The following MYOM1 variants were observed in gnomAD, a reference collection of about 807,000 sequenced individuals.
MYOM1 encodes the protein myomesin 1.
MYOM1 carries 164 observed loss-of-function variants against 205.3 expected under a neutral mutation model. The ratio of observed to expected loss-of-function variants is 0.80; its 90% confidence interval spans 0.70 to 0.91. MYOM1 has a LOEUF of 0.91. MYOM1 is among the 40% of genes least tolerant of loss of function. MYOM1 has a pLI of 0.00. For missense variants in MYOM1, 2,011 were observed against 2,127.3 expected (o/e 0.95, Z 1.08); for synonymous variants, 772 against 789.4 (o/e 0.98, Z 0.37).
intron 2 of MYOM1, among the ~76,000 whole-genome samples, chr18:3,200,571 G>A (rs943679536): frequency 4.6e-5 from 7 of 152,104 alleles, no homozygotes; most frequent in Non-Finnish European, 1.0e-4. Context: ...AGGACACTCT[G>A]GAGTTAAAAA....
chr18:3,086,005 A>C, intron 30 of MYOM1, 33 bp downstream of exon 30: 1 of 1,346,356 alleles, frequency 7.4e-7, no homozygotes, highest in Non-Finnish European at 1.1e-6. Flanking sequence ...GTAGAGAGCT[A>C]ATATATTACA....
the MYOM1 span, chr18:3,236,445 T>C: frequency 2.0e-5 from 3 of 152,192 alleles, no homozygotes; most frequent in Non-Finnish European, 4.4e-5. Flanking sequence ...TTTTAGGCCA[T>C]GGAGATACAT....
chr18:3,235,422 C>T, the MYOM1 span, among the ~76,000 whole-genome samples: 5 of 152,168 alleles, frequency 3.3e-5, no homozygotes, highest in Non-Finnish European at 7.3e-5. Flanking sequence ...TTAAATAATA[C>T]GATTCTGAAC....
intron 22 of MYOM1, among the ~76,000 whole-genome samples, chr18:3,104,185 T>TTAAAATTTAA (rs2079420126): frequency 6.6e-6 from 1 of 152,208 alleles, no homozygotes; most frequent in Non-Finnish European, 1.5e-5. Context: ...AATGCTTTTA[T>TTAAAATTTAA]TAAAACTTAA....
chr18:3,213,953 C>A (rs974255969), intron 2 of MYOM1, among the ~76,000 whole-genome samples: 4 of 152,320 alleles, frequency 2.6e-5, no homozygotes, highest in African/African-American at 9.6e-5. Context: ...CTAAGCTCCA[C>A]TCTTCCTAGA....
intron 9 of MYOM1, among the ~76,000 whole-genome samples, chr18:3,168,468 T>C (rs1005084962): frequency 2.0e-5 from 3 of 152,174 alleles, no homozygotes; most frequent in African/African-American, 7.2e-5. Context: ...TTCGTATTTT[T>C]AGTAGAGACA....
chr18:3,125,052 G>C (rs1407953480), intron 19 of MYOM1, among the ~76,000 whole-genome samples: 1 of 152,210 alleles, frequency 6.6e-6, no homozygotes, highest in Non-Finnish European at 1.5e-5. Context: ...GTGTACATAG[G>C]AAAGGATGTT....
chr18:3,205,914 G>A (rs1483314810), intron 2 of MYOM1, among the ~76,000 whole-genome samples: 1 of 152,188 alleles, frequency 6.6e-6, no homozygotes, highest in Non-Finnish European at 1.5e-5. Context: ...TGGCACTGGG[G>A]TAGGAGTAGG....
chr18:3,233,948 A>G, the MYOM1 span, among the ~76,000 whole-genome samples: 1 of 152,258 alleles, frequency 6.6e-6, no homozygotes, highest in Non-Finnish European at 1.5e-5. Flanking sequence ...TCACAGATCA[A>G]TATAGCACAG....
chr18:3,203,968 A>C (rs2081099743), intron 2 of MYOM1, among the ~76,000 whole-genome samples: 1 of 152,050 alleles, frequency 6.6e-6, no homozygotes, highest in Non-Finnish European at 1.5e-5. Flanking sequence ...AAAATCAGTC[A>C]GTGTAATATA....
intron 17 of MYOM1, among the ~76,000 whole-genome samples, chr18:3,130,618 A>AT (rs1205971001): frequency 3.4e-4 from 52 of 151,744 alleles, no homozygotes; most frequent in Non-Finnish European, 1.5e-5. Context: ...TGCCTGGCTA[A>AT]TTTTTTTTAT....
rs1272685964 is a variant in MYOM1, at chr18:3,135,004, A to G, written c.2210-180T>C. On this transcript the variant is annotated intron_variant, in intron 15 of 37. Transcript: ENST00000356443. The surrounding 1 kb of genome is among the most constrained non-coding windows in gnomAD (Gnocchi z 4.1). ...CGCTCTGTCACCCAGGCTGGAGAGC[A>G]GTGGCGGGATCTCGGCTCACTGCAG... is the stretch of plus-strand genomic sequence containing the variant. 8.4e-6 allele frequency: 5 copies of G among 593,866 alleles called. No homozygotes were observed. The highest frequency in any genetic ancestry group is 2.9e-5 in the Admixed American group (1 of 34,218). 36.8% of individuals were successfully genotyped at this position (593,866 alleles called of 1,614,324 possible).
chr18:3,078,619 A>G (rs1461850257), intron 34 of MYOM1, among the ~76,000 whole-genome samples: 2 of 152,036 alleles, frequency 1.3e-5, no homozygotes, highest in East Asian at 1.9e-4. Context: ...TTATATTTGA[A>G]GAGCTGGGGC....
chr18:3,210,483 GCTCT>G (rs1446165979), intron 2 of MYOM1, among the ~76,000 whole-genome samples: 1 of 152,138 alleles, frequency 6.6e-6, no homozygotes, highest in East Asian at 1.9e-4. Flanking sequence ...TCCCCAAACT[GCTCT>G]CTTAGAGTCC....
chr18:3,178,658 C>A (rs1008648804), intron 5 of MYOM1, among the ~76,000 whole-genome samples: 2 of 152,224 alleles, frequency 1.3e-5, no homozygotes, highest in African/African-American at 2.4e-5. Context: ...TATAACAGAA[C>A]CCGAACTCAT....
At chr18:3,231,374 G>A in the MYOM1 span, among the ~76,000 whole-genome samples, 30 of 152,128 alleles carry the variant, frequency 2.0e-4, no homozygotes, top group Non-Finnish European at 1.5e-5. Flanking sequence ...ATGGGTGGCA[G>A]GGAGCAAACA....
intron 29 of MYOM1, among the ~76,000 whole-genome samples, chr18:3,088,113 C>T (rs2079176789): frequency 6.6e-6 from 1 of 152,142 alleles, no homozygotes; most frequent in Non-Finnish European, 1.5e-5. Flanking sequence ...TCCAGACTGC[C>T]CTTGGTTGCT....
chr18:3,111,678 T>A (rs1262221919), intron 22 of MYOM1, among the ~76,000 whole-genome samples: 6 of 152,180 alleles, frequency 3.9e-5, no homozygotes, highest in Admixed American at 6.5e-5. Context: ...CGCATCACAT[T>A]ATATAATACA....
At chr18:3,225,903 T>C in the MYOM1 span, among the ~76,000 whole-genome samples, 1 of 152,224 alleles carries the variant, frequency 6.6e-6, no homozygotes, top group Non-Finnish European at 1.5e-5. Flanking sequence ...CTGTCAGGAA[T>C]TGGGTTGACT....
Sources: allele counts gnomAD v4.1 joint callset (sites outside exome capture counted in the v4.1 genomes callset), GRCh38; gene constraint gnomAD v4.1.1; non-coding constraint Gnocchi (gnomAD v3.1); transcripts MANE v1.5; gene names NCBI Gene and HGNC (gene_info 2026-07-23, HGNC 2026-07-21).